PARD3B: variants seen among roughly 807,000 people sequenced by gnomAD.
The protein encoded by PARD3B is par-3 family cell polarity regulator beta, also known as partitioning defective 3 homolog B.
A neutral mutation model predicts 130.2 loss-of-function variants in PARD3B; 103 were observed. The observed-to-expected ratio is 0.79, with a 90% confidence interval of 0.67 to 0.93. The LOEUF (loss-of-function observed/expected upper bound fraction) is 0.93. PARD3B is among the 40% of genes least tolerant of loss of function. The pLI is 0.00. For missense variants in PARD3B, 1,609 were observed against 1,499.2 expected, an observed-to-expected ratio of 1.07 and a Z score of -1.21; for synonymous variants, 583 against 553.2, an observed-to-expected ratio of 1.05 and a Z score of -0.76.
At position 205,550,923 on chromosome 2, in the gene PARD3B, A is replaced by G. The variant is rs997276124; in HGVS notation, c.3181-2401A>G. Among the ~76,000 whole-genome samples the G allele has an allele frequency of 4.4e-5, 6 of 135,056 alleles. No individual in the cohort carries two copies. Among genetic ancestry groups the G allele is most frequent in the Non-Finnish European group, 6.2e-5 (4 of 64,486 alleles). The allele number at this position is 135,056 out of a possible 152,430, so 88.6% of individuals were successfully genotyped here. ...AATCATGTTATAAATACATATAATT[A>G]TGTGTGTGTGTGTGTGTGTATATAT... On this transcript the variant is annotated intron_variant, in intron 21 of 22. Coordinates refer to ENST00000406610, the MANE Select transcript of PARD3B (RefSeq NM_001302769.2). The surrounding 1 kb of genome is among the most constrained non-coding windows in gnomAD (Gnocchi z 4.5).
intron 2 of PARD3B, among the ~76,000 whole-genome samples, chr2:204,846,878 A>G (rs1036575070): frequency 6.6e-6 from 1 of 152,024 alleles, no homozygotes; most frequent in Non-Finnish European, 1.5e-5. Flanking sequence ...TGCCCAGTCC[A>G]CCATTCCTTT....
At chr2:204,831,935 A>T (rs1327586638) in intron 2 of PARD3B, among the ~76,000 whole-genome samples, 1 of 152,182 alleles carries the variant, frequency 6.6e-6, no homozygotes, top group Admixed American at 6.5e-5. Context: ...CAGTTATTTT[A>T]TTCACCTTAA....
At chr2:205,131,443 C>G (rs2031989465) in intron 10 of PARD3B, among the ~76,000 whole-genome samples, 1 of 152,124 alleles carries the variant, frequency 6.6e-6, no homozygotes, top group Admixed American at 6.5e-5. Flanking sequence ...TTTCATTCAA[C>G]CAGTATGTAC....
intron 2 of PARD3B, among the ~76,000 whole-genome samples, chr2:204,940,912 A>T (rs768784435): frequency 1.9e-5 from 2 of 107,810 alleles, no homozygotes; most frequent in Non-Finnish European, 3.5e-5. Flanking sequence ...AATAAAGATT[A>T]AAAAAATACA....
At chr2:205,307,458 ATGCTCTGTGC>A (rs1176514704) in intron 18 of PARD3B, among the ~76,000 whole-genome samples, 3 of 152,144 alleles carry the variant, frequency 2.0e-5, no homozygotes, top group Non-Finnish European at 2.9e-5. Context: ...GTTTCTCTGT[ATGCTCTGTGC>A]TTAAATTTTT....
chr2:204,819,062 G>A (rs563535794), intron 2 of PARD3B, among the ~76,000 whole-genome samples: 9 of 152,250 alleles, frequency 5.9e-5, no homozygotes, highest in African/African-American at 2.2e-4. Flanking sequence ...AGATACAGTT[G>A]GAGATACACA....
intron 2 of PARD3B, among the ~76,000 whole-genome samples, chr2:204,735,133 A>G (rs2039689553): frequency 6.6e-6 from 1 of 152,004 alleles, no homozygotes; most frequent in Admixed American, 6.6e-5. Flanking sequence ...AAGTTGTTGA[A>G]TAACAAGATA....
intron 2 of PARD3B, among the ~76,000 whole-genome samples, chr2:204,757,114 A>G (rs1323687457): frequency 1.3e-5 from 2 of 152,168 alleles, no homozygotes; most frequent in African/African-American, 4.8e-5. Context: ...ATGGCTGTGC[A>G]GTATTCCATG....
intron 21 of PARD3B, among the ~76,000 whole-genome samples, chr2:205,539,860 G>A (rs1479257745): frequency 6.6e-6 from 1 of 152,136 alleles, no homozygotes; most frequent in African/African-American, 2.4e-5. Context: ...TGTGACTCAG[G>A]TGAAGTTTTT....
intron 11 of PARD3B, among the ~76,000 whole-genome samples, chr2:205,171,835 C>T (rs1157602274): frequency 1.3e-5 from 2 of 152,222 alleles, no homozygotes; most frequent in African/African-American, 4.8e-5. Context: ...AGAGTTGTGA[C>T]TACCTCCTTT....
chr2:205,251,127 C>T (rs1007234668), intron 16 of PARD3B, among the ~76,000 whole-genome samples: 2 of 152,220 alleles, frequency 1.3e-5, no homozygotes, highest in Middle Eastern at 3.4e-3. Context: ...TCTTTACTTG[C>T]GTTGTGTAAC....
At chr2:204,879,437 G>A (rs892398168) in intron 2 of PARD3B, among the ~76,000 whole-genome samples, 1 of 152,160 alleles carries the variant, frequency 6.6e-6, no homozygotes, top group Non-Finnish European at 1.5e-5. Context: ...TGAGGAAGGA[G>A]TTGGGTTCAT....
At chr2:205,238,924 A>G (rs1171581592) in intron 15 of PARD3B, among the ~76,000 whole-genome samples, 6 of 136,400 alleles carry the variant, frequency 4.4e-5, no homozygotes, top group Non-Finnish European at 9.3e-5. Flanking sequence ...GTGTATATAT[A>G]TATATGTATG....
At chr2:204,568,420 A>G (rs1360664456) in intron 1 of PARD3B, among the ~76,000 whole-genome samples, 1 of 152,220 alleles carries the variant, frequency 6.6e-6, no homozygotes, top group South Asian at 2.1e-4. Flanking sequence ...CTGGGAAACC[A>G]TTTAGAACTG....
At chr2:205,023,452 C>CT (rs11319827) in intron 3 of PARD3B, among the ~76,000 whole-genome samples, 995 of 88,722 alleles carry the variant, frequency 0.011, 21 homozygotes, top group African/African-American at 0.036. Flanking sequence ...ATGCCCACAC[C>CT]TTTTTTTTTT....
chr2:205,227,879 G>A (rs2038642718), intron 15 of PARD3B, among the ~76,000 whole-genome samples: 1 of 151,936 alleles, frequency 6.6e-6, no homozygotes, highest in Non-Finnish European at 1.5e-5. Flanking sequence ...AGGTTACCAT[G>A]AGGCTTCCAA....
intron 11 of PARD3B, among the ~76,000 whole-genome samples, chr2:205,167,868 G>C (rs2034907844): frequency 6.6e-6 from 1 of 152,186 alleles, no homozygotes; most frequent in Non-Finnish European, 1.5e-5. Context: ...CAGGGTTGCT[G>C]TAAGAAATGA....
At chr2:205,106,136 T>C (rs542646979) in intron 5 of PARD3B, among the ~76,000 whole-genome samples, 1 of 151,642 alleles carries the variant, frequency 6.6e-6, no homozygotes, top group South Asian at 2.1e-4. Context: ...TATATTCTTT[T>C]ATTTATTTAT....
At chr2:204,569,632 C>G (rs2031874710) in intron 1 of PARD3B, among the ~76,000 whole-genome samples, 1 of 152,154 alleles carries the variant, frequency 6.6e-6, no homozygotes. Context: ...AAGCAAGATA[C>G]TTACTGTGTG....
Sources: gnomAD v4.1 joint callset for allele counts (sites outside exome capture counted in the v4.1 genomes callset) on GRCh38, gnomAD v4.1.1 for gene constraint, Gnocchi (gnomAD v3.1) non-coding constraint, MANE v1.5 for transcripts, NCBI Gene and HGNC (gene_info 2026-07-23, HGNC 2026-07-21) for gene names.